The following ZNF268 variants were observed in gnomAD, a reference collection of about 807,000 sequenced individuals.
ZNF268 encodes the protein zinc finger protein 268.
ZNF268 carries 20 observed loss-of-function variants against 29.3 expected under a neutral mutation model. That is an observed-to-expected ratio of 0.68 (90% CI 0.48 to 0.99). The LOEUF (loss-of-function observed/expected upper bound fraction) is 0.99, where lower values mean the gene tolerates loss of function less well. ZNF268 is among the 50% of genes least tolerant of loss of function. The probability of loss-of-function intolerance (pLI) is 0.00; values close to 1 mark genes in which losing one functional copy is unlikely to be tolerated. For synonymous variants in ZNF268, 429 were observed against 376.9 expected (o/e 1.14, Z -1.60); for missense variants, 1,240 against 1,121.6 (o/e 1.11, Z -1.51).
rs1566387772 is a variant in ZNF268 at position 133,204,385 on chromosome 12, C to T, written c.2699C>T (p.Thr900Ile). The T allele has an allele frequency of 6.4e-7, 1 of 1,572,184 alleles. No individual in the cohort carries two copies. ...TATGGGTGCAATGAATGTGGGAAAA[C>T]CTTCTCTCAAAAATCAATTCTCAGT... ...KPYGCNECGK[T>I]FSQKSILSAH... Residue 900 changes from threonine to isoleucine, a missense_variant, in exon 6 of 6, where the codon ACC (threonine) becomes ATC (isoleucine). Thr to Ile is a moderately conservative substitution (Grantham distance 89, BLOSUM62 -1). This residue lies in a region of ZNF268 where 1,177 missense variants were observed against 1,039.6 expected (regional missense o/e 1.13). Transcript: ENST00000536435.
chr12:133,184,966 C>T (rs967972120), intron 2 of ZNF268, among the ~76,000 whole-genome samples: 2 of 152,084 alleles, frequency 1.3e-5, no homozygotes, highest in African/African-American at 2.4e-5. Context: ...GGCAGATCAT[C>T]TGAGGTCAGG....
At chr12:133,190,700 T>A (rs907298825) in intron 3 of ZNF268, among the ~76,000 whole-genome samples, 18 of 152,216 alleles carry the variant, frequency 1.2e-4, no homozygotes, top group African/African-American at 4.1e-4. Flanking sequence ...ATAGTGCCCT[T>A]TCACAGATTT....
chr12:133,183,950 G>A (rs776601624), intron 2 of ZNF268, among the ~76,000 whole-genome samples: 7 of 152,334 alleles, frequency 4.6e-5, no homozygotes, highest in Non-Finnish European at 8.8e-5. Flanking sequence ...GGGAGATCAA[G>A]TAATATTAGA....
rs780587191 is a variant in ZNF268 at position 133,202,731 on chromosome 12, A to G, written c.1045A>G (p.Ile349Val). The G allele has an allele frequency of 5.0e-6, 8 of 1,611,976 alleles. No individual in the cohort carries two copies. In the South Asian group the frequency reaches 8.8e-5, roughly 18 times the overall value. ...KTFSFHSQLV[I>V]HQRIHTGENP... Reference sequence around the variant, plus strand: ...ATTCAGTTTCCATTCACAGCTTGTTATACATCAGAGAATTCACACAGGTGA... The same window carrying G: ...ATTCAGTTTCCATTCACAGCTTGTTGTACATCAGAGAATTCACACAGGTGA... The change falls in exon 6 of 6, where the codon ATA becomes GTA. Residue 349 changes from isoleucine to valine, a missense_variant. By Grantham distance (29) the Ile-to-Val change is conservative. Coordinates refer to ENST00000536435, the MANE Select transcript of ZNF268 (RefSeq NM_003415.3).
At position 133,204,337 on chromosome 12, in the gene ZNF268, G is replaced by T. The variant is rs966636898; in HGVS notation, c.2651G>T (p.Arg884Ile). The T allele has an allele frequency of 1.3e-6, 2 of 1,567,594 alleles. No individual in the cohort carries two copies. Among genetic ancestry groups the T allele is most frequent in the Middle Eastern group, 1.7e-4 (1 of 6,020 alleles). ...AATTCTCAACTCATTGTACATCAAA[G>T]AACTCATTCAGGAGAGAAACCCTAT... ...IRNSQLIVHQ[R>I]THSGEKPYGC... The change falls in exon 6 of 6, where the codon AGA (arginine) becomes ATA (isoleucine). Residue 884 changes from arginine (R) to isoleucine (I), a missense_variant. By Grantham distance (97) the Arg-to-Ile change is moderately conservative (BLOSUM62 -3). Transcript: ENST00000536435.
chr12:133,184,543 G>C, intron 2 of ZNF268: 1 of 269,024 alleles, frequency 3.7e-6, no homozygotes, highest in Non-Finnish European at 8.1e-6. Flanking sequence ...CTTTAAGAGG[G>C]TATTAATCCC....
chr12:133,185,385 A>G (rs1337793529), intron 2 of ZNF268, among the ~76,000 whole-genome samples: 1 of 152,144 alleles, frequency 6.6e-6, no homozygotes, highest in Non-Finnish European at 1.5e-5. Context: ...ATGCCTTGGT[A>G]ACCTGGAAGG....
chr12:133,207,805 C>T lies in ZNF268; in HGVS notation c.*3275C>T, dbSNP rs1384446094. 6.6e-6 allele frequency: 1 copy of T among 151,894 alleles called. No individual in the cohort carries two copies. The highest frequency in any genetic ancestry group is 1.5e-5 in the Non-Finnish European group (1 of 68,002). The allele number at this position is 151,894 out of a possible 1,614,324, so 9.4% of individuals were successfully genotyped here. ...CCTGGGTGACAGAACTAGACCCTGT[C>T]TCAAAAAACAGAAGAGTATGTTTGG... is the stretch of plus-strand genomic sequence containing the variant. On this transcript the variant is annotated 3_prime_UTR_variant, in exon 6 of 6. Transcript: ENST00000536435.
At position 133,181,656 on chromosome 12, in the gene ZNF268, G is replaced by C; in HGVS notation, c.-83G>C. On this transcript the variant is annotated 5_prime_UTR_variant, in exon 1 of 6. Coordinates refer to ENST00000536435, the MANE Select transcript of ZNF268 (RefSeq NM_003415.3). ...GAGGCAGTACCCTGGACTCTATTCT[G>C]CTGCCCCTTCAGGGTTTGGAGGAGC... 1 of 312,072 alleles carries C rather than the reference G, an allele frequency of 3.2e-6. No homozygotes were observed. Among genetic ancestry groups the C allele is most frequent in the Non-Finnish European group, 6.1e-6 (1 of 164,394 alleles). 19.3% of individuals were successfully genotyped at this position (312,072 alleles called of 1,614,324 possible).
chr12:133,200,929 A>C (rs954814185), intron 5 of ZNF268, among the ~76,000 whole-genome samples: 1 of 151,972 alleles, frequency 6.6e-6, no homozygotes, highest in African/African-American at 2.4e-5. Context: ...CACCATATAC[A>C]CACTCATGAT....
rs1956998761 is a variant in ZNF268, at chr12:133,212,486, TATATATATATATGTATATATAC to T, written c.*7958_*7979del. 1 of 9,288 alleles carries T rather than the reference TATATATATATATGTATATATAC, an allele frequency of 1.1e-4. No individual in the cohort carries two copies. The highest frequency in any genetic ancestry group is 7.6e-4 in the African/African-American group (1 of 1,314). The allele number at this position is 9,288 out of a possible 1,614,324, so 0.6% of individuals were successfully genotyped here. A position where few individuals can be genotyped will look rare whatever the true frequency, so the allele number is the denominator to read the frequency against. On this transcript the variant is annotated 3_prime_UTR_variant, in exon 6 of 6. Transcript: ENST00000536435. ...ATATATATATATATATATATATATA[TATATATATATATGTATATATAC>T]ACACACACATACACACATATATACA...
In ZNF268 at chr12:133,203,939, C is replaced by G. The variant is rs983606676; in HGVS notation, c.2253C>G (p.Pro751=). 6 of 1,593,846 alleles carry G rather than the reference C, an allele frequency of 3.8e-6. No individual in the cohort carries two copies. The highest frequency in any genetic ancestry group is 2.3e-5 in the East Asian group (1 of 43,940). ...VHQRIHTGEN[P]YECSECGKAF... Reference sequence around the variant, plus strand: ...AGAGAATTCACACAGGAGAAAATCCCTATGAATGCAGTGAATGTGGGAAAG... The same window carrying G: ...AGAGAATTCACACAGGAGAAAATCCGTATGAATGCAGTGAATGTGGGAAAG... The change falls in exon 6 of 6, where the codon CCC becomes CCG. Residue 751 remains proline (P), a synonymous_variant. Coordinates refer to ENST00000536435, the MANE Select transcript of ZNF268 (RefSeq NM_003415.3).
In ZNF268 at chr12:133,212,390, A is replaced by G. The variant is rs1956993898; in HGVS notation, c.*7860A>G. The G allele has an allele frequency of 6.8e-6, 1 of 146,878 alleles. No individual in the cohort carries two copies. The highest frequency in any genetic ancestry group is 2.0e-4 in the East Asian group (1 of 5,054). 9.1% of individuals were successfully genotyped at this position (146,878 alleles called of 1,614,324 possible). A position where few individuals can be genotyped will look rare whatever the true frequency, so the allele number is the denominator to read the frequency against. On this transcript the variant is annotated 3_prime_UTR_variant, in exon 6 of 6. Transcript: ENST00000536435. ...CTCCAGGAGAGCAGGGTGTTCTTTC[A>G]TCACACATGAAATTATTTCAGGATC...
chr12:133,204,473 T>G lies in ZNF268; in HGVS notation c.2787T>G (p.Phe929Leu). 1 of 1,547,966 alleles carries G rather than the reference T, an allele frequency of 6.5e-7. No individual in the cohort carries two copies. Among genetic ancestry groups the G allele is most frequent in the South Asian group, 1.2e-5 (1 of 84,598 alleles). Residue 929 changes from phenylalanine to leucine, a missense_variant, in exon 6 of 6, where the codon TTT becomes TTG. Phe to Leu is a conservative substitution (Grantham distance 22). Coordinates refer to ENST00000536435, the MANE Select transcript of ZNF268 (RefSeq NM_003415.3). ...AGTGCACTGAATGTGGGAAAGCCTT[T>G]TGTTGGAAGTCACAGCTCATTATGC... Reference protein sequence around the residue: ...PCKCTECGKAFCWKSQLIMHQ... With the variant: ...PCKCTECGKALCWKSQLIMHQ...
intron 3 of ZNF268, among the ~76,000 whole-genome samples, chr12:133,188,496 C>T (rs984845536): frequency 5.9e-5 from 9 of 152,118 alleles, no homozygotes; most frequent in Non-Finnish European, 1.3e-4. Context: ...TGTGCCTGGC[C>T]CATGGCCCTT....
intron 5 of ZNF268, among the ~76,000 whole-genome samples, chr12:133,194,030 T>G (rs1321940048): frequency 1.3e-5 from 2 of 152,222 alleles, no homozygotes; most frequent in Non-Finnish European, 2.9e-5. Context: ...TAGCATTTTG[T>G]TCCTTTAAAA....
intron 3 of ZNF268, among the ~76,000 whole-genome samples, chr12:133,191,224 G>A (rs1320654554): frequency 6.6e-6 from 1 of 151,858 alleles, no homozygotes; most frequent in African/African-American, 2.4e-5. Flanking sequence ...GGCTGAGGCA[G>A]GAGAATGGCG....
At chr12:133,202,043 G>A (rs949846345) in intron 5 of ZNF268, 101 bp from the exon 6 acceptor site, 1 of 992,412 alleles carries the variant, frequency 1.0e-6, no homozygotes, top group East Asian at 2.6e-5. Context: ...ACAATCATGT[G>A]ATTTATAACA....
intron 5 of ZNF268, among the ~76,000 whole-genome samples, chr12:133,198,456 A>G (rs1956668412): frequency 1.3e-5 from 2 of 151,250 alleles, no homozygotes; most frequent in South Asian, 4.2e-4. Flanking sequence ...TATAGTTTGA[A>G]GTCAGGTAGT....
Sources: gnomAD v4.1 joint callset for allele counts (sites outside exome capture counted in the v4.1 genomes callset) on GRCh38, gnomAD v4.1.1 for gene constraint, gnomAD v4.1.1 regional missense constraint, MANE v1.5 for transcripts, NCBI Gene and HGNC (gene_info 2026-07-23, HGNC 2026-07-21) for gene names.